ZNF705G: variants seen among roughly 807,000 people sequenced by gnomAD.
ZNF705G encodes the protein zinc finger protein 705G.
ZNF705G carries 23 observed loss-of-function variants against 19.6 expected under a neutral mutation model. The ratio of observed to expected loss-of-function variants is 1.17; its 90% CI spans 0.84 to 1.66. ZNF705G has a LOEUF of 1.66. Ranked by LOEUF, ZNF705G falls within the 40% of genes most tolerant of loss-of-function variation. ZNF705G has a pLI of 0.00. For missense variants in ZNF705G, 457 were observed against 354.4 expected (o/e 1.29, Z -2.32); for synonymous variants, 146 against 117.7 (o/e 1.24, Z -1.56).
rs868472423 is a variant in ZNF705G at position 7,367,641 on chromosome 8, C to T, written c.-71-4624G>A. On this transcript the variant is annotated intron_variant, in intron 2 of 6. Transcript: ENST00000400156. ...CCCAACGCAGGATCAAGGTTAAAGG[C>T]TCTTCTCTTTTCTTTCTTGGACCTT... Among the ~76,000 whole-genome samples the T allele has an allele frequency of 5.3e-5, 8 of 149,734 alleles. No individual in the cohort carries two copies. The South Asian group carries it at 1.0e-3, about 20-fold the overall frequency.
At chr8:7,380,260 G>A (rs1294064010) in intron 2 of ZNF705G, among the ~76,000 whole-genome samples, 3 of 145,232 alleles carry the variant, frequency 2.1e-5, no homozygotes, top group Non-Finnish European at 4.4e-5. Flanking sequence ...ACTATTCCAG[G>A]GCCAGAGCAC....
intron 1 of ZNF705G, among the ~76,000 whole-genome samples, chr8:7,382,556 C>T (rs1377223060): frequency 1.4e-5 from 2 of 146,264 alleles, no homozygotes; most frequent in Admixed American, 1.3e-4. Flanking sequence ...TTTTTTATTT[C>T]TTCCATTCTA....
chr8:7,378,992 T>G (rs1172870193), intron 2 of ZNF705G, among the ~76,000 whole-genome samples: 2 of 149,994 alleles, frequency 1.3e-5, no homozygotes, highest in East Asian at 3.9e-4. Context: ...CCTGTCACAA[T>G]TTTCCTCCAT....
intron 2 of ZNF705G, among the ~76,000 whole-genome samples, chr8:7,378,984 T>C (rs987844831): frequency 2.0e-5 from 3 of 149,758 alleles, no homozygotes; most frequent in Non-Finnish European, 4.4e-5. Context: ...TTTTACCACC[T>C]GTCACAATTT....
intron 2 of ZNF705G, among the ~76,000 whole-genome samples, chr8:7,378,889 T>G (rs1029448723): frequency 6.8e-6 from 1 of 147,210 alleles, no homozygotes; most frequent in Non-Finnish European, 1.5e-5. Context: ...CGGTGGCACA[T>G]TCACAGGACC....
chr8:7,385,197 A>G (rs1471706436), intron 1 of ZNF705G, among the ~76,000 whole-genome samples: 1 of 148,300 alleles, frequency 6.7e-6, no homozygotes, highest in Non-Finnish European at 1.5e-5. Context: ...TGGTGGGCCA[A>G]GTGGGTAAAG....
intron 2 of ZNF705G, among the ~76,000 whole-genome samples, chr8:7,368,621 G>A (rs1370333764): frequency 6.7e-6 from 1 of 149,866 alleles, no homozygotes; most frequent in Non-Finnish European, 1.5e-5. Context: ...TAACTAAAAG[G>A]AAAGCAGATG....
At chr8:7,369,480 G>T (rs1244926835) in intron 2 of ZNF705G, among the ~76,000 whole-genome samples, 1 of 149,470 alleles carries the variant, frequency 6.7e-6, no homozygotes, top group African/African-American at 2.6e-5. Flanking sequence ...CTGTCAGCTT[G>T]CACCCTGAGC....
intron 2 of ZNF705G, among the ~76,000 whole-genome samples, chr8:7,364,591 A>T (rs1208085207): frequency 6.7e-6 from 1 of 149,596 alleles, no homozygotes; most frequent in Non-Finnish European, 1.5e-5. Context: ...GCTTTTTGAC[A>T]AAATTACTCC....
intron 1 of ZNF705G, among the ~76,000 whole-genome samples, chr8:7,382,639 A>G (rs1807546692): frequency 6.8e-6 from 1 of 146,588 alleles, no homozygotes; most frequent in Non-Finnish European, 1.5e-5. Flanking sequence ...TTAAAATTGC[A>G]TTTTGAATTC....
intron 2 of ZNF705G, among the ~76,000 whole-genome samples, chr8:7,379,473 G>A (rs992190622): frequency 5.5e-5 from 8 of 146,348 alleles, no homozygotes; most frequent in Non-Finnish European, 1.0e-4. Context: ...GAGGTACCAG[G>A]CACTGTGTCC....
chr8:7,367,594 C>G (rs9720736), intron 2 of ZNF705G, among the ~76,000 whole-genome samples: 1 of 148,974 alleles, frequency 6.7e-6, no homozygotes, highest in Non-Finnish European at 1.5e-5. Flanking sequence ...CCCTAAAGGA[C>G]GAATCACGGG....
intron 1 of ZNF705G, among the ~76,000 whole-genome samples, chr8:7,384,320 C>T (rs1274966601): frequency 4.1e-5 from 6 of 145,560 alleles, no homozygotes; most frequent in Admixed American, 1.3e-4. Context: ...TAGGAGGAGT[C>T]AATTGCTACC....
At chr8:7,370,287 GC>G (rs1807044765) in intron 2 of ZNF705G, among the ~76,000 whole-genome samples, 1 of 144,724 alleles carries the variant, frequency 6.9e-6, no homozygotes, top group Admixed American at 6.7e-5. Flanking sequence ...AAAAAAATAT[GC>G]AAAGATCTGA....
At chr8:7,360,649 G>T (rs1409184053) in intron 4 of ZNF705G, among the ~76,000 whole-genome samples, 2 of 149,392 alleles carry the variant, frequency 1.3e-5, no homozygotes, top group South Asian at 4.2e-4. Context: ...TCTCTGCACA[G>T]TGTGTTTACT....
rs1256593295 is a variant in ZNF705G, at chr8:7,358,676, T to C, written c.319-116A>G. ...AGTGGTAGACCCCAGTTGAAAGCTT[T>C]CCAATGTTTCTTGTGTGAAAGGAAA... On this transcript the variant is annotated intron_variant, in intron 6 of 6. Transcript: ENST00000400156. 7.4e-6 allele frequency: 11 copies of C among 1,495,818 alleles called. No individual in the cohort carries two copies. In the East Asian group the frequency reaches 2.0e-4, roughly 28 times the overall value. 92.7% of individuals were successfully genotyped at this position (1,495,818 alleles called of 1,614,324 possible).
chr8:7,381,076 G>T (rs1171352121), intron 2 of ZNF705G, among the ~76,000 whole-genome samples: 3 of 131,784 alleles, frequency 2.3e-5, no homozygotes, highest in Non-Finnish European at 4.6e-5. Context: ...TTGCCGTGAT[G>T]TCTGGTAAAC....
chr8:7,382,277 C>G (rs1807533292), intron 1 of ZNF705G, among the ~76,000 whole-genome samples: 3 of 148,110 alleles, frequency 2.0e-5, no homozygotes, highest in Admixed American at 1.3e-4. Context: ...TGGCTGTAAC[C>G]TGAGAATGTT....
chr8:7,359,466 T>A (rs1806466320), intron 6 of ZNF705G, among the ~76,000 whole-genome samples, 153 bp downstream of exon 6: 1 of 146,474 alleles, frequency 6.8e-6, no homozygotes, highest in Non-Finnish European at 1.5e-5. Flanking sequence ...GGTCAATGTA[T>A]TCACTAAATT....
Sources: allele counts gnomAD v4.1 joint callset (sites outside exome capture counted in the v4.1 genomes callset), GRCh38; gene constraint gnomAD v4.1.1; transcripts MANE v1.5; gene names NCBI Gene and HGNC (gene_info 2026-07-23, HGNC 2026-07-21).